SUPT3H: variants seen among roughly 807,000 people sequenced by gnomAD.
SUPT3H encodes transcription initiation protein SPT3 homolog.
SUPT3H carries 44 observed loss-of-function variants against 44.3 expected under a neutral mutation model. The observed-to-expected ratio is 0.99, with a 90% CI of 0.78 to 1.28. The LOEUF is 1.28. Among genes scored for constraint, SUPT3H ranks in the 50% most tolerant of loss-of-function variants. The pLI, the probability that SUPT3H is intolerant of heterozygous loss-of-function variation, is 0.00. For missense variants in SUPT3H, 380 were observed against 387.1 expected (o/e 0.98, Z 0.15); for synonymous variants, 124 against 125.6 (o/e 0.99, Z 0.09).
intron 2 of SUPT3H, among the ~76,000 whole-genome samples, chr6:45,223,930 G>A (rs1766473837): frequency 1.3e-5 from 2 of 149,676 alleles, no homozygotes; most frequent in African/African-American, 4.9e-5. Flanking sequence ...TACTAAAAAT[G>A]ATAGAAATAC....
chr6:45,149,567 A>C (rs1018088130), intron 2 of SUPT3H, among the ~76,000 whole-genome samples: 4 of 152,196 alleles, frequency 2.6e-5, no homozygotes, highest in Non-Finnish European at 5.9e-5. Context: ...TTTAAAAATT[A>C]TCTCTCCAAT....
chr6:45,018,346 C>T (rs1468681365), intron 4 of SUPT3H, among the ~76,000 whole-genome samples: 1 of 151,408 alleles, frequency 6.6e-6, no homozygotes, highest in Non-Finnish European at 1.5e-5. Context: ...ATTTCCTTCT[C>T]CTGCCTAATT....
At chr6:45,226,691 C>T (rs1237926121) in intron 2 of SUPT3H, among the ~76,000 whole-genome samples, 2 of 152,146 alleles carry the variant, frequency 1.3e-5, no homozygotes, top group African/African-American at 4.8e-5. Context: ...GCCACCACAC[C>T]CAGCTAATTT....
intron 3 of SUPT3H, among the ~76,000 whole-genome samples, chr6:45,053,603 A>G (rs1790644945): frequency 6.6e-6 from 1 of 151,688 alleles, no homozygotes; most frequent in African/African-American, 2.4e-5. Context: ...AAAACCTAAA[A>G]GGGTCACTCT....
At chr6:45,171,493 C>T (rs1292436833) in intron 2 of SUPT3H, among the ~76,000 whole-genome samples, 4 of 152,206 alleles carry the variant, frequency 2.6e-5, no homozygotes, top group Admixed American at 2.0e-4. Flanking sequence ...TCAGTACATG[C>T]TATTTTTAAT....
chr6:45,303,169 A>G (rs79798635), intron 2 of SUPT3H, among the ~76,000 whole-genome samples: 22,866 of 152,136 alleles, frequency 0.15, 1,961 homozygotes, highest in East Asian at 0.26. Context: ...AAAAATACTC[A>G]AAGATAACAT....
At chr6:45,194,141 A>G (rs1336405255) in intron 2 of SUPT3H, among the ~76,000 whole-genome samples, 1 of 152,168 alleles carries the variant, frequency 6.6e-6, no homozygotes, top group Non-Finnish European at 1.5e-5. Context: ...AACCAACAGG[A>G]TTCTGTCAAA....
intron 3 of SUPT3H, among the ~76,000 whole-genome samples, chr6:45,066,148 G>T (rs1364980233): frequency 3.5e-5 from 5 of 141,648 alleles, no homozygotes; most frequent in Admixed American, 1.4e-4. Flanking sequence ...ATGCAAGGCT[G>T]GTTCAATATA....
chr6:45,207,973 G>A (rs2153629087), intron 2 of SUPT3H, among the ~76,000 whole-genome samples: 1 of 152,278 alleles, frequency 6.6e-6, no homozygotes, highest in Non-Finnish European at 1.5e-5. Context: ...AAAGAATTAA[G>A]CTTAGTTAAG....
Position 45,015,578 on chromosome 6 carries a change from G to A in SUPT3H, c.274-687C>T, listed in dbSNP as rs570541531. Among the ~76,000 whole-genome samples the A allele has an allele frequency of 1.5e-3, 223 of 152,052 alleles. 2 individuals are homozygous for A. Among genetic ancestry groups the A allele is most frequent in the African/African-American group, 5.3e-3 (220 of 41,492 alleles). On this transcript the variant is annotated intron_variant, in intron 4 of 10. Transcript: ENST00000371459. The stretch of plus-strand genomic sequence containing the variant: ...AATTTTTCTTTCTTCAATAATAAAT[G>A]TGCCTTAGCTTACTTACTGTAACTA...
intron 7 of SUPT3H, among the ~76,000 whole-genome samples, chr6:44,958,068 G>A (rs978041765): frequency 2.0e-5 from 3 of 152,052 alleles, no homozygotes; most frequent in Non-Finnish European, 4.4e-5. Context: ...CTTCTCCTTC[G>A]CCCCTCTTCC....
chr6:45,197,025 G>A (rs1816160084), intron 2 of SUPT3H, among the ~76,000 whole-genome samples: 1 of 151,366 alleles, frequency 6.6e-6, no homozygotes, highest in Non-Finnish European at 1.5e-5. Flanking sequence ...TGGTACAAAA[G>A]GTTAACATAA....
intron 5 of SUPT3H, among the ~76,000 whole-genome samples, chr6:45,004,936 A>G (rs967645451): frequency 6.6e-6 from 1 of 152,080 alleles, no homozygotes; most frequent in African/African-American, 2.4e-5. Context: ...CCAATCCCCT[A>G]TTGATGGGCA....
chr6:45,366,673 A>G (rs952261396), intron 1 of SUPT3H, among the ~76,000 whole-genome samples: 6 of 152,194 alleles, frequency 3.9e-5, no homozygotes, highest in Admixed American at 3.9e-4. Context: ...CAACTAAACA[A>G]ATACTAAGTA....
chr6:45,066,037 T>C (rs1793240053), intron 3 of SUPT3H, among the ~76,000 whole-genome samples: 1 of 138,340 alleles, frequency 7.2e-6, no homozygotes, highest in Non-Finnish European at 1.6e-5. Flanking sequence ...ATATCCTTGA[T>C]GAACATTGAT....
Position 44,817,688 on chromosome 6 carries a change from AAATGAAT to A in SUPT3H, c.*53-8194_*53-8188del, listed in dbSNP as rs777832086. On this transcript the variant is annotated intron_variant and NMD_transcript_variant, in intron 11 of 11. Transcript: ENST00000475057. ...ATCAATTTTATTTCTCTGTGAAATA[AAATGAAT>A]AATGAATAATTGGAAAATGAAAAAA... Among the ~76,000 whole-genome samples, 61 of 152,306 alleles carry A rather than the reference AAATGAAT, an allele frequency of 4.0e-4. 2 individuals carry two copies. Among genetic ancestry groups the A allele is most frequent in the Middle Eastern group, 3.4e-3 (1 of 294 alleles).
At chr6:44,906,463 C>A (rs188442630) in intron 10 of SUPT3H, among the ~76,000 whole-genome samples, 1 of 152,184 alleles carries the variant, frequency 6.6e-6, no homozygotes, top group East Asian at 1.9e-4. Flanking sequence ...AGTTTTCTTA[C>A]CTATAAAACA....
chr6:45,258,238 G>C (rs959776097), intron 2 of SUPT3H, among the ~76,000 whole-genome samples: 1 of 152,256 alleles, frequency 6.6e-6, no homozygotes, highest in Non-Finnish European at 1.5e-5. Context: ...CAAAGAACAT[G>C]TTTATGTAAA....
Position 45,294,576 on chromosome 6 carries a change from C to A in SUPT3H, c.101+70625G>T, listed in dbSNP as rs188949266. ...CTGATATGATTGTTTACCTAGAAAA[C>A]CCTAAAGCCTCCTCCAGAAAGCTCC... On this transcript the variant is annotated intron_variant, in intron 2 of 10. Coordinates refer to ENST00000371459, the MANE Select transcript of SUPT3H (RefSeq NM_003599.4). 9.9e-3 allele frequency among the ~76,000 whole-genome samples: 1,497 copies of A among 151,888 alleles called. 15 individuals are homozygous for A. The highest frequency in any genetic ancestry group is 0.012 in the Non-Finnish European group (846 of 67,926).
Sources: allele counts gnomAD v4.1 joint callset (sites outside exome capture counted in the v4.1 genomes callset), GRCh38; gene constraint gnomAD v4.1.1; transcripts MANE v1.5; gene names NCBI Gene and HGNC (gene_info 2026-07-23, HGNC 2026-07-21).